PUS10: variants seen among roughly 807,000 people sequenced by gnomAD.
PUS10 encodes the protein tRNA pseudouridine synthase Pus10.
PUS10 carries 59 observed loss-of-function variants against 75.0 expected under a neutral mutation model. The ratio of observed to expected loss-of-function variants is 0.79; its 90% CI spans 0.64 to 0.98. The LOEUF is 0.98. Among genes scored for constraint, PUS10 ranks in the 50% least tolerant of loss-of-function variants. The pLI is 0.00. For missense variants in PUS10, 650 were observed against 614.4 expected, an observed-to-expected ratio of 1.06 and a Z score of -0.61; for synonymous variants, 219 against 211.6, an observed-to-expected ratio of 1.03 and a Z score of -0.30.
In PUS10 at chr2:60,948,143, G is replaced by C. The variant is rs777449880; in HGVS notation, c.1351C>G (p.Arg451Gly). The C allele has an allele frequency of 1.2e-6, 2 of 1,613,962 alleles. No homozygotes were observed. The highest frequency in any genetic ancestry group is 1.7e-6 in the Non-Finnish European group (2 of 1,179,998). Reference protein sequence around the residue: ...DQKTPLRVLHRRPLAVRARVI... With the variant: ...DQKTPLRVLHGRPLAVRARVI... ...CGAGCTCGCACAGCCAGGGGCCTTC[G>C]GTGAAGGACGCGCAAAGGTGTTTTC... The change falls in exon 16 of 18, where the codon CGA becomes GGA. Residue 451 changes from arginine (R) to glycine (G), a missense_variant. Physicochemically the swap from Arg to Gly is moderately radical, Grantham distance 125. Coordinates refer to ENST00000316752, the MANE Select transcript of PUS10 (RefSeq NM_144709.4).
At chr2:60,942,473 G>A (rs768716992) in intron 17 of PUS10, 40 bp from the exon 18 acceptor site, 5 of 1,498,382 alleles carry the variant, frequency 3.3e-6, no homozygotes, top group East Asian at 2.3e-5. Context: ...AGATATTACT[G>A]TTGTGGTAAG....
At chr2:60,993,919 A>G (rs1678280174) in intron 4 of PUS10, among the ~76,000 whole-genome samples, 1 of 151,910 alleles carries the variant, frequency 6.6e-6, no homozygotes, top group Admixed American at 6.6e-5. Flanking sequence ...CCTCCCGAGT[A>G]GCTGGGACTA....
intron 4 of PUS10, among the ~76,000 whole-genome samples, chr2:60,976,929 A>T (rs1677069461): frequency 6.6e-6 from 1 of 152,256 alleles, no homozygotes; most frequent in Non-Finnish European, 1.5e-5. Context: ...AGCAAATGGC[A>T]TTAAAGTTAT....
intron 11 of PUS10, among the ~76,000 whole-genome samples, chr2:60,957,420 TGTA>T (rs1406915478): frequency 6.6e-6 from 1 of 152,166 alleles, no homozygotes; most frequent in African/African-American, 2.4e-5. Context: ...TGGGGGAACA[TGTA>T]GTACCCCCAG....
rs559080459 is a variant in PUS10, at chr2:60,944,644, T to C, written c.1551+365A>G. Among the ~76,000 whole-genome samples the C allele has an allele frequency of 4.6e-5, 7 of 152,322 alleles. No individual in the cohort carries two copies. The East Asian group carries it at 1.2e-3, about 25-fold the overall frequency. The stretch of plus-strand genomic sequence containing the variant: ...ATAGAACTGCTTTTATGAAGAACCA[T>C]TGGCTCACCTCACTTTCTACCCTTG... On this transcript the variant is annotated intron_variant, in intron 17 of 17. Transcript: ENST00000316752.
intron 4 of PUS10, among the ~76,000 whole-genome samples, chr2:60,982,185 C>T (rs937825304): frequency 6.6e-6 from 1 of 152,000 alleles, no homozygotes; most frequent in Non-Finnish European, 1.5e-5. Context: ...GCAGGAACTC[C>T]GTATACTTAC....
Position 60,953,021 on chromosome 2 carries a change from G to C in PUS10, c.1284C>G (p.Asp428Glu). The C allele has an allele frequency of 1.3e-6, 2 of 1,574,236 alleles. No individual in the cohort carries two copies. The highest frequency in any genetic ancestry group is 1.7e-6 in the Non-Finnish European group (2 of 1,144,244). Residue 428 changes from aspartate to glutamate, a missense_variant, in exon 15 of 18, where the codon GAC (aspartate) becomes GAG (glutamate). Coordinates refer to ENST00000316752, the MANE Select transcript of PUS10 (RefSeq NM_144709.4). ...IWTNKAIQKK[D>E]IEFLNDIKDL... ...CCTTTATGTCATTTAGGAATTCAAT[G>C]TCTTTCTTCTGTATCGCTTTATTTG...
rs540535332 is a variant in PUS10, at chr2:61,010,567, C to T, written c.126+1198G>A. ...GTCTTGAACCCCTGACCTCGTGATC[C>T]ACCCGCCTCGGCCTCCCAAAGTGCT... On this transcript the variant is annotated intron_variant, in intron 2 of 17. Coordinates refer to ENST00000316752, the MANE Select transcript of PUS10 (RefSeq NM_144709.4). The T allele has an allele frequency of 1.5e-4, 59 of 381,474 alleles. No individual in the cohort carries two copies. The Middle Eastern group carries it at 2.4e-3, about 16-fold the overall frequency. The allele number at this position is 381,474 out of a possible 1,614,324, so 23.6% of individuals were successfully genotyped here.
chr2:60,952,334 C>CAAAAAAAAAAAAA (rs78551218), intron 15 of PUS10, among the ~76,000 whole-genome samples: 2 of 100,456 alleles, frequency 2.0e-5, no homozygotes, highest in Non-Finnish European at 3.8e-5. Context: ...GACTCTGTCT[C>CAAAAAAAAAAAAA]AAAAAAAAAA....
Position 61,011,752 on chromosome 2 carries a change from G to T in PUS10, c.126+13C>A. The T allele has an allele frequency of 8.2e-6, 11 of 1,335,832 alleles. No individual in the cohort carries two copies. The highest frequency in any genetic ancestry group is 3.3e-5 in the Admixed American group (1 of 30,172). 82.7% of individuals were successfully genotyped at this position (1,335,832 alleles called of 1,614,324 possible). A position where few individuals can be genotyped will look rare whatever the true frequency, so the allele number is the denominator to read the frequency against. Reference sequence around the variant, plus strand: ...TCTTAATTTGAAAAAAAAAAAAAAAGAAAAGAAAATACCTTGTATGGAAGT... The same window carrying T: ...TCTTAATTTGAAAAAAAAAAAAAAATAAAAGAAAATACCTTGTATGGAAGT... On this transcript the variant is annotated intron_variant, in intron 2 of 17. Transcript: ENST00000316752.
At chr2:60,992,377 T>G (rs1205219872) in intron 4 of PUS10, among the ~76,000 whole-genome samples, 5 of 152,262 alleles carry the variant, frequency 3.3e-5, no homozygotes, top group South Asian at 4.1e-4. Flanking sequence ...AATTTAGCAT[T>G]CATGACTAGC....
rs1053768650 is a variant in PUS10, at chr2:61,006,486, T to C, written c.468+71A>G. On this transcript the variant is annotated intron_variant, in intron 4 of 17. Transcript: ENST00000316752. Reference sequence around the variant, plus strand: ...AATATAATAGAGTAAGGAATATTTCTACATTCCCATTTTTTGAGAAATTCC... The same window carrying C: ...AATATAATAGAGTAAGGAATATTTCCACATTCCCATTTTTTGAGAAATTCC... The C allele has an allele frequency of 3.6e-6, 4 of 1,122,554 alleles. No homozygotes were observed. In the African/African-American group the frequency reaches 4.7e-5, roughly 13 times the overall value. The allele number at this position is 1,122,554 out of a possible 1,614,324, so 69.5% of individuals were successfully genotyped here. A position where few individuals can be genotyped will look rare whatever the true frequency, so the allele number is the denominator to read the frequency against.
rs1165351136 is a variant in PUS10, at chr2:61,018,189, A to T, written c.-197T>A. 6.4e-7 allele frequency: 1 copy of T among 1,550,776 alleles called. No individual in the cohort carries two copies. Among genetic ancestry groups the T allele is most frequent in the African/African-American group, 1.4e-5 (1 of 73,014 alleles). ...TGGCTTCTCTATCTTTAAAGCGTAG[A>T]CTTTGGTCTGTAGCAGTTGAGAGCG... On this transcript the variant is annotated 5_prime_UTR_variant, in exon 1 of 18. Coordinates refer to ENST00000316752, the MANE Select transcript of PUS10 (RefSeq NM_144709.4).
chr2:60,985,477 C>T (rs1199107736), intron 4 of PUS10, among the ~76,000 whole-genome samples: 1 of 152,048 alleles, frequency 6.6e-6, no homozygotes, highest in African/African-American at 2.4e-5. Context: ...TCTATGAGGA[C>T]TTTGTGCTAA....
At chr2:61,013,895 G>A (rs1679797867) in intron 1 of PUS10, among the ~76,000 whole-genome samples, 1 of 151,986 alleles carries the variant, frequency 6.6e-6, no homozygotes. Flanking sequence ...TGTGGTGGCT[G>A]GCGCCTGCAC....
rs192253992 is a variant in PUS10, at chr2:60,986,065, C to T, written c.469-14508G>A. ...TTTGAATGGGTTGGGGAGGATTTACCTTTCTTTAGCAAGTACTTCCTTCAT... is the reference window on the plus strand; with the variant it reads ...TTTGAATGGGTTGGGGAGGATTTACTTTTCTTTAGCAAGTACTTCCTTCAT... On this transcript the variant is annotated intron_variant, in intron 4 of 17. Transcript: ENST00000316752. 8.4e-3 allele frequency among the ~76,000 whole-genome samples: 1,271 copies of T among 151,764 alleles called. 19 individuals are homozygous for T. The highest frequency in any genetic ancestry group is 0.03 in the African/African-American group (1,231 of 41,404).
At chr2:60,983,544 G>C (rs1419620034) in intron 4 of PUS10, among the ~76,000 whole-genome samples, 1 of 151,988 alleles carries the variant, frequency 6.6e-6, no homozygotes, top group African/African-American at 2.4e-5. Context: ...AGCTGAGCAT[G>C]GTAGCGCATG....
At chr2:60,956,931 C>T (rs1205300553) in intron 11 of PUS10, among the ~76,000 whole-genome samples, 1 of 128,370 alleles carries the variant, frequency 7.8e-6, no homozygotes, top group African/African-American at 3.0e-5. Flanking sequence ...GCCGAGATCA[C>T]ACCACTGCAC....
At chr2:60,993,013 G>A (rs933868251) in intron 4 of PUS10, among the ~76,000 whole-genome samples, 1 of 152,164 alleles carries the variant, frequency 6.6e-6, no homozygotes, top group Non-Finnish European at 1.5e-5. Context: ...GAGCACTCTT[G>A]CCCTGGCTCT....
Sources: gnomAD v4.1 joint callset for allele counts (sites outside exome capture counted in the v4.1 genomes callset) on GRCh38, gnomAD v4.1.1 for gene constraint, MANE v1.5 for transcripts, NCBI Gene and HGNC (gene_info 2026-07-23, HGNC 2026-07-21) for gene names.